CACNA1I: variants seen among roughly 807,000 people sequenced by gnomAD.
The protein encoded by CACNA1I is calcium voltage-gated channel subunit alpha1 I.
In CACNA1I, 74 loss-of-function variants were observed where a neutral mutation model predicts 201.6. That is an observed-to-expected ratio of 0.37 (90% CI 0.30 to 0.45). CACNA1I has a LOEUF of 0.45. Ranked by LOEUF, CACNA1I falls within the 20% of genes least tolerant of loss-of-function variation. CACNA1I has a pLI of 1.00. For synonymous variants in CACNA1I, 1,431 were observed against 1,345.2 expected (o/e 1.06, Z -1.40); for missense variants, 2,346 against 3,138.1 (o/e 0.75, Z 6.03).
intron 1 of CACNA1I, among the ~76,000 whole-genome samples, chr22:39,594,015 A>C (rs1932851833): frequency 1.3e-5 from 2 of 152,186 alleles, no homozygotes; most frequent in Non-Finnish European, 2.9e-5. Context: ...GGGGAGACAC[A>C]CTGAAGATGG....
chr22:39,657,596 A>C (rs902191472), intron 10 of CACNA1I, among the ~76,000 whole-genome samples: 1 of 152,180 alleles, frequency 6.6e-6, no homozygotes, highest in African/African-American at 2.4e-5. Context: ...TCCTGGCCAC[A>C]CCACTTGTTA....
chr22:39,657,662 C>T (rs1934865281), intron 10 of CACNA1I, among the ~76,000 whole-genome samples: 1 of 152,214 alleles, frequency 6.6e-6, no homozygotes, highest in African/African-American at 2.4e-5. Flanking sequence ...CCTTGCCTGT[C>T]TGCAGACGGG....
chr22:39,644,029 C>A (rs1934413559), intron 7 of CACNA1I, among the ~76,000 whole-genome samples: 1 of 152,180 alleles, frequency 6.6e-6, no homozygotes, highest in Admixed American at 6.5e-5. Context: ...GGCTCCCGAT[C>A]CAGCCTGGAG....
At chr22:39,671,069 G>C in intron 26 of CACNA1I, 115 bp downstream of exon 26, 1 of 922,230 alleles carries the variant, frequency 1.1e-6, no homozygotes, top group East Asian at 2.6e-5. Flanking sequence ...GATGTGAGCA[G>C]CCCCTCCATG....
At chr22:39,663,269 G>C (rs1935083919) in intron 18 of CACNA1I, among the ~76,000 whole-genome samples, 1 of 152,214 alleles carries the variant, frequency 6.6e-6, no homozygotes, top group Non-Finnish European at 1.5e-5. Flanking sequence ...TGTATGGCTT[G>C]CATCTGAGGG....
At chr22:39,651,039 C>T (rs1412724011) in intron 10 of CACNA1I, among the ~76,000 whole-genome samples, 1 of 152,188 alleles carries the variant, frequency 6.6e-6, no homozygotes, top group Non-Finnish European at 1.5e-5. Context: ...ACACCATTTT[C>T]TGGCTCCTGC....
At chr22:39,654,292 C>T (rs552584952) in intron 10 of CACNA1I, among the ~76,000 whole-genome samples, 2 of 152,348 alleles carry the variant, frequency 1.3e-5, no homozygotes, top group Admixed American at 6.5e-5. Context: ...CTCTCCTGCA[C>T]ACACCCATGC....
intron 5 of CACNA1I, among the ~76,000 whole-genome samples, chr22:39,635,733 G>A (rs943951339): frequency 2.0e-5 from 3 of 152,146 alleles, no homozygotes; most frequent in South Asian, 2.1e-4. Context: ...CTGGGGAGAG[G>A]CAGCTGCTTC....
At chr22:39,586,068 C>T (rs752726314) in intron 1 of CACNA1I, among the ~76,000 whole-genome samples, 1 of 151,994 alleles carries the variant, frequency 6.6e-6, no homozygotes, top group Non-Finnish European at 1.5e-5. Context: ...ATCCCAGCTA[C>T]TCAGGGGGCT....
chr22:39,636,811 G>A (rs1361261780), intron 5 of CACNA1I, among the ~76,000 whole-genome samples: 1 of 152,208 alleles, frequency 6.6e-6, no homozygotes, highest in Non-Finnish European at 1.5e-5. Context: ...CAGCCGGGCT[G>A]TTGCCTGGAA....
In CACNA1I at chr22:39,645,776, G is replaced by A. The variant is rs556704812; in HGVS notation, c.1150-793G>A. 2.2e-3 allele frequency among the ~76,000 whole-genome samples: 333 copies of A among 152,332 alleles called. 2 individuals carry two copies. The highest frequency in any genetic ancestry group is 7.6e-3 in the African/African-American group (315 of 41,576). ...GGAGGGGGCTGCGCCCTGAAAGCCT[G>A]GAAACTGGAGAGGAGCCCCACTCGT... On this transcript the variant is annotated intron_variant, in intron 7 of 36. Coordinates refer to ENST00000402142, the MANE Select transcript of CACNA1I (RefSeq NM_021096.4).
Position 39,686,508 on chromosome 22 carries a change from GCAGGGCCCGCAGGGCA to G in CACNA1I, c.*108_*123del. On this transcript the variant is annotated 3_prime_UTR_variant, in exon 37 of 37. Transcript: ENST00000402142. ...ATACTTCGTCCACACCTGGGATCGCGCAGGGCCCGCAGGGCACAGGCGCCCGACAGCCGGGCTGAGC... is the reference window on the plus strand; with the variant it reads ...ATACTTCGTCCACACCTGGGATCGCGCAGGCGCCCGACAGCCGGGCTGAGC... The G allele has an allele frequency of 1.2e-6, 1 of 865,836 alleles. No homozygotes were observed. The highest frequency in any genetic ancestry group is 1.5e-6 in the Non-Finnish European group (1 of 665,206). The allele number at this position is 865,836 out of a possible 1,614,324, so 53.6% of individuals were successfully genotyped here. A position where few individuals can be genotyped will look rare whatever the true frequency, so the allele number is the denominator to read the frequency against.
intron 2 of CACNA1I, 55 bp downstream of exon 2, chr22:39,598,317 C>A: frequency 1.1e-6 from 1 of 946,056 alleles, no homozygotes; most frequent in Non-Finnish European, 1.6e-6. Context: ...AGGACCCGGC[C>A]TATGCCCCGC....
At chr22:39,672,821 G>A in intron 27 of CACNA1I, 128 bp from the exon 28 acceptor site, 2 of 971,160 alleles carry the variant, frequency 2.1e-6, no homozygotes, top group Non-Finnish European at 3.0e-6. Flanking sequence ...GTAAGGGAGG[G>A]CAGCCACACA....
chr22:39,577,110 C>A (rs1932382869), intron 1 of CACNA1I, among the ~76,000 whole-genome samples: 1 of 152,184 alleles, frequency 6.6e-6, no homozygotes, highest in South Asian at 2.1e-4. Flanking sequence ...CACCACCACA[C>A]CCAGCTAATT....
chr22:39,617,558 C>T (rs1000824705), intron 3 of CACNA1I, among the ~76,000 whole-genome samples: 3 of 152,162 alleles, frequency 2.0e-5, no homozygotes, highest in African/African-American at 7.2e-5. Context: ...CCCGCGGGTG[C>T]CAGCGCCTGT....
Position 39,681,024 on chromosome 22 carries a change from C to T in CACNA1I, c.5636C>T (p.Ala1879Val). Residue 1879 changes from alanine to valine, a missense_variant, in exon 34 of 37, where the codon GCC becomes GTC. Transcript: ENST00000402142. ...GDDLSLEDPTACPPGRKDSKG... is the reference protein window; with the variant it reads ...GDDLSLEDPTVCPPGRKDSKG... Reference sequence around the variant, plus strand: ...GACCTGAGTCTCGAGGACCCCACAGCCTGCCCACCTGGCCGCAAAGACAGC... The same window carrying T: ...GACCTGAGTCTCGAGGACCCCACAGTCTGCCCACCTGGCCGCAAAGACAGC... The T allele has an allele frequency of 6.2e-7, 1 of 1,610,664 alleles. No homozygotes were observed. The highest frequency in any genetic ancestry group is 8.5e-7 in the Non-Finnish European group (1 of 1,179,212).
chr22:39,625,098 G>A (rs1426501585), intron 4 of CACNA1I, among the ~76,000 whole-genome samples: 1 of 151,956 alleles, frequency 6.6e-6, no homozygotes, highest in East Asian at 1.9e-4. Context: ...AGTAGAGACG[G>A]GGTTTCACTG....
chr22:39,581,034 G>A (rs528215829), intron 1 of CACNA1I, among the ~76,000 whole-genome samples: 3 of 151,644 alleles, frequency 2.0e-5, no homozygotes, highest in East Asian at 3.9e-4. Flanking sequence ...AGGAGGCAGA[G>A]CCACACCCGA....
Sources: allele counts gnomAD v4.1 joint callset (sites outside exome capture counted in the v4.1 genomes callset), GRCh38; gene constraint gnomAD v4.1.1; transcripts MANE v1.5; gene names NCBI Gene and HGNC (gene_info 2026-07-23, HGNC 2026-07-21).